Variants in GPD2 observed in about 807,000 individuals in gnomAD.
GPD2 encodes glycerol-3-phosphate dehydrogenase, mitochondrial.
Under a neutral mutation model 82.4 loss-of-function variants are expected in GPD2, and 54 were observed. That is an observed-to-expected ratio of 0.66 (90% CI 0.53 to 0.82). The LOEUF (loss-of-function observed/expected upper bound fraction) is 0.82. Ranked by LOEUF, GPD2 falls within the 40% of genes least tolerant of loss-of-function variation. The probability of loss-of-function intolerance (pLI) is 0.00; values close to 1 mark genes in which losing one functional copy is unlikely to be tolerated. For missense variants in GPD2, 748 were observed against 896.2 expected, an observed-to-expected ratio of 0.83 and a Z score of 2.11; for synonymous variants, 288 against 306.1, an observed-to-expected ratio of 0.94 and a Z score of 0.62.
At chr2:156,530,478 G>A (rs1278059946) in intron 6 of GPD2, among the ~76,000 whole-genome samples, 1 of 150,960 alleles carries the variant, frequency 6.6e-6, no homozygotes. Context: ...TTGAATAGGA[G>A]TGGTGAGAGA....
the GPD2 span, among the ~76,000 whole-genome samples, chr2:156,411,608 A>G: frequency 4.6e-5 from 7 of 152,138 alleles, no homozygotes; most frequent in African/African-American, 1.7e-4. Context: ...TATATACAGA[A>G]TCTAATATAC....
Position 156,579,005 on chromosome 2 carries a change from C to A in GPD2, c.1880+4C>A. ...TACTGCCTTCAGACATTGACAGGTA[C>A]TTATAATAAGTGTCTATCTATCTCT... On this transcript the variant is annotated splice_donor_region_variant and intron_variant, in intron 14 of 16. Transcript: ENST00000438166. 1 of 1,571,838 alleles carries A rather than the reference C, an allele frequency of 6.4e-7. No homozygotes were observed. The highest frequency in any genetic ancestry group is 8.8e-7 in the Non-Finnish European group (1 of 1,142,010).
At position 156,579,006 on chromosome 2, in the gene GPD2, T is replaced by TTA. The variant is rs763866949; in HGVS notation, c.1880+8_1880+9dup. On this transcript the variant is annotated splice_donor_region_variant and intron_variant, in intron 14 of 16. Transcript: ENST00000438166. Reference sequence around the variant, plus strand: ...ACTGCCTTCAGACATTGACAGGTACTTATAATAAGTGTCTATCTATCTCTC... The same window carrying TTA: ...ACTGCCTTCAGACATTGACAGGTACTTATATAATAAGTGTCTATCTATCTCTC... The TTA allele has an allele frequency of 1.9e-6, 3 of 1,571,558 alleles. No homozygotes were observed. In the African/African-American group the frequency reaches 4.1e-5, roughly 21 times the overall value.
intron 1 of GPD2, among the ~76,000 whole-genome samples, chr2:156,453,748 A>G (rs1253575720): frequency 1.3e-5 from 2 of 152,230 alleles, no homozygotes; most frequent in Middle Eastern, 3.4e-3. Context: ...ATGGTGGCAC[A>G]TGCCTGTGAT....
chr2:156,400,814 T>G, the GPD2 span, among the ~76,000 whole-genome samples: 5 of 152,168 alleles, frequency 3.3e-5, no homozygotes, highest in East Asian at 1.9e-4. Flanking sequence ...ATGTGTGAGG[T>G]CCCGGGTTCA....
At chr2:156,401,228 T>A in the GPD2 span, among the ~76,000 whole-genome samples, 3 of 152,204 alleles carry the variant, frequency 2.0e-5, no homozygotes, top group Non-Finnish European at 4.4e-5. Context: ...TTATAGCAAA[T>A]GTGCTTTTCT....
In GPD2 at chr2:156,512,298, A is replaced by G. The variant is rs1685030152; in HGVS notation, c.478A>G (p.Ile160Val). 2.5e-6 allele frequency: 4 copies of G among 1,576,776 alleles called. No individual in the cohort carries two copies. Among genetic ancestry groups the G allele is most frequent in the Middle Eastern group, 1.7e-4 (1 of 6,032 alleles). Residue 160 changes from isoleucine to valine, a missense_variant, in exon 5 of 17, where the codon ATA becomes GTA. This residue lies in a region of GPD2 where 692 missense variants were observed against 809.7 expected (regional missense o/e 0.85). Transcript: ENST00000438166. Reference protein sequence around the residue: ...IAPHLSAPLPIMLPVYKWWQL... With the variant: ...IAPHLSAPLPVMLPVYKWWQL... ...TCCCCATTTATCAGCTCCATTGCCT[A>G]TAATGCTTCCAGTTTACAAGTAAGC...
rs541458952 is a variant in GPD2 at position 156,503,089 on chromosome 2, C to G, written c.274+6874C>G. ...GGACCTTGCAGACTAGCTGCTGAGACAAGTGGTGCCTTGGCTGTGGTGCTG... is the reference window on the plus strand; with the variant it reads ...GGACCTTGCAGACTAGCTGCTGAGAGAAGTGGTGCCTTGGCTGTGGTGCTG... On this transcript the variant is annotated intron_variant, in intron 3 of 16. Coordinates refer to ENST00000438166, the MANE Select transcript of GPD2 (RefSeq NM_000408.5). 3.9e-5 allele frequency among the ~76,000 whole-genome samples: 6 copies of G among 152,202 alleles called. No individual in the cohort carries two copies. The East Asian group carries it at 1.2e-3, about 29-fold the overall frequency.
intron 1 of GPD2, among the ~76,000 whole-genome samples, chr2:156,470,256 A>G (rs969558640): frequency 3.3e-5 from 5 of 151,886 alleles, no homozygotes; most frequent in Non-Finnish European, 7.4e-5. Flanking sequence ...GTGCAGTGGT[A>G]TGATCATGGC....
At chr2:156,412,568 G>T in the GPD2 span, among the ~76,000 whole-genome samples, 2 of 152,126 alleles carry the variant, frequency 1.3e-5, no homozygotes, top group Non-Finnish European at 2.9e-5. Context: ...TGGTAAAAAG[G>T]GCATACAATT....
chr2:156,419,109 G>C, the GPD2 span, among the ~76,000 whole-genome samples: 3 of 141,844 alleles, frequency 2.1e-5, no homozygotes, highest in East Asian at 6.4e-4. Flanking sequence ...GCCCAGGCTG[G>C]AGTGCAATGG....
intron 9 of GPD2, 34 bp downstream of exon 9, chr2:156,557,616 T>C (rs906458537): frequency 8.6e-7 from 1 of 1,169,036 alleles, no homozygotes; most frequent in African/African-American, 1.5e-5. Context: ...TGTCTCTCTG[T>C]GTCCATATCT....
chr2:156,511,056 G>T (rs1165082626), intron 4 of GPD2, 136 bp downstream of exon 4: 4 of 815,910 alleles, frequency 4.9e-6, no homozygotes, highest in African/African-American at 1.7e-5. Context: ...TATTCTGCTG[G>T]AATATCTTTC....
intron 16 of GPD2, among the ~76,000 whole-genome samples, chr2:156,581,470 A>T (rs6757255): frequency 3.3e-4 from 51 of 152,276 alleles, no homozygotes; most frequent in Admixed American, 9.8e-4. Flanking sequence ...TCCTGGAATC[A>T]GAGACAAAGC....
the GPD2 span, among the ~76,000 whole-genome samples, chr2:156,410,536 G>A: frequency 6.6e-6 from 1 of 152,076 alleles, no homozygotes; most frequent in Non-Finnish European, 1.5e-5. Flanking sequence ...ATTTAAAAAA[G>A]ATTACCATAT....
chr2:156,514,129 CTTT>C (rs5835618), intron 6 of GPD2, among the ~76,000 whole-genome samples: 82 of 141,700 alleles, frequency 5.8e-4, no homozygotes, highest in East Asian at 1.0e-3. Context: ...AATGTTCATT[CTTT>C]TTTTTTTTTT....
chr2:156,488,597 G>A (rs1026853686), intron 2 of GPD2, among the ~76,000 whole-genome samples: 1 of 151,904 alleles, frequency 6.6e-6, no homozygotes, highest in African/African-American at 2.4e-5. Context: ...GGTCTCACCC[G>A]AAGTTGTAAA....
Position 156,528,773 on chromosome 2 carries a change from A to AT in GPD2, c.661+15283dup, listed in dbSNP as rs1246475954. 9.2e-3 allele frequency among the ~76,000 whole-genome samples: 1,400 copies of AT among 152,116 alleles called. 28 individuals carry two copies. The highest frequency in any genetic ancestry group is 0.032 in the African/African-American group (1,328 of 41,460). ...TCCCTACAAAGGACGTGATCTCATC[A>AT]TTTTTTATGGCTGCATAGTACTCCA... On this transcript the variant is annotated intron_variant, in intron 6 of 16. Transcript: ENST00000438166.
At chr2:156,504,986 A>G (rs1255091593) in intron 3 of GPD2, among the ~76,000 whole-genome samples, 2 of 152,110 alleles carry the variant, frequency 1.3e-5, no homozygotes, top group East Asian at 3.8e-4. Flanking sequence ...TGCATTTATT[A>G]TATTGAGCAT....
Sources: allele counts gnomAD v4.1 joint callset (sites outside exome capture counted in the v4.1 genomes callset), GRCh38; gene constraint gnomAD v4.1.1; regional missense constraint gnomAD v4.1.1; transcripts MANE v1.5; gene names NCBI Gene and HGNC (gene_info 2026-07-23, HGNC 2026-07-21).